Variants in NAV1 observed in about 807,000 individuals in gnomAD.
NAV1 encodes pore membrane and/or filament interacting like protein 3.
A neutral mutation model predicts 175.2 loss-of-function variants in NAV1; 18 were observed. That is an observed-to-expected ratio of 0.10 (90% CI 0.07 to 0.15). The LOEUF is 0.15. NAV1 is among the 10% of genes least tolerant of loss of function. The pLI, the probability that NAV1 is intolerant of heterozygous loss-of-function variation, is 1.00. For synonymous variants in NAV1, 897 were observed against 978.7 expected (o/e 0.92, Z 1.56); for missense variants, 1,731 against 2,436.6 (o/e 0.71, Z 6.10).
intron 1 of NAV1, chr1:201,674,144 C>G (rs761005745): frequency 6.6e-5 from 10 of 152,116 alleles, no homozygotes; most frequent in Non-Finnish European, 1.3e-4. Flanking sequence ...TTTCTGTGAG[C>G]CTTGCTTGCC....
At chr1:201,691,998 C>T (rs904749789) in intron 1 of NAV1, among the ~76,000 whole-genome samples, 1 of 152,208 alleles carries the variant, frequency 6.6e-6, no homozygotes, top group African/African-American at 2.4e-5. Context: ...GGTCATTCTT[C>T]ACGCTTTGTG....
chr1:201,727,334 CATA>C (rs1210234016), intron 3 of NAV1, among the ~76,000 whole-genome samples: 2 of 152,124 alleles, frequency 1.3e-5, no homozygotes, highest in African/African-American at 4.8e-5. Context: ...GGAAGAATGA[CATA>C]ATAAGTTGTT....
chr1:201,569,392 A>G (rs1325926857), intron 1 of NAV1, among the ~76,000 whole-genome samples: 1 of 152,220 alleles, frequency 6.6e-6, no homozygotes, highest in East Asian at 1.9e-4. Context: ...TCCGAAATTA[A>G]CATCATCTTC....
At chr1:201,707,234 C>A (rs1222239085) in intron 1 of NAV1, among the ~76,000 whole-genome samples, 4 of 152,164 alleles carry the variant, frequency 2.6e-5, no homozygotes, top group Admixed American at 6.5e-5. Flanking sequence ...GGGGTGTGCA[C>A]CACGCCCATC....
chr1:201,634,953 T>A (rs1322947196), intron 2 of NAV1, among the ~76,000 whole-genome samples: 4 of 152,218 alleles, frequency 2.6e-5, no homozygotes, highest in African/African-American at 9.6e-5. Flanking sequence ...TCCCTGTTTC[T>A]CGCTGCACCA....
chr1:201,743,354 C>A (rs1349178280), intron 3 of NAV1, among the ~76,000 whole-genome samples: 1 of 152,206 alleles, frequency 6.6e-6, no homozygotes, highest in Non-Finnish European at 1.5e-5. Context: ...ATTATAATTG[C>A]CACCCAACCA....
chr1:201,690,311 G>C (rs10158876), intron 1 of NAV1, among the ~76,000 whole-genome samples: 3 of 95,720 alleles, frequency 3.1e-5, no homozygotes, highest in Non-Finnish European at 6.9e-5. Context: ...TATTTCCTCC[G>C]TGGCCTGTCC....
At chr1:201,763,914 A>G (rs1032793820) in intron 3 of NAV1, among the ~76,000 whole-genome samples, 1 of 152,348 alleles carries the variant, frequency 6.6e-6, no homozygotes, top group Middle Eastern at 3.4e-3. Flanking sequence ...TTACAGGAGC[A>G]CATATAGAGC....
At chr1:201,704,654 G>C (rs528257226) in intron 1 of NAV1, among the ~76,000 whole-genome samples, 46 of 152,322 alleles carry the variant, frequency 3.0e-4, no homozygotes, top group African/African-American at 8.7e-4. Flanking sequence ...TGAGATGTAA[G>C]GATTTTCCAA....
At chr1:201,553,520 C>A (rs751229670) in intron 1 of NAV1, among the ~76,000 whole-genome samples, 2 of 152,216 alleles carry the variant, frequency 1.3e-5, no homozygotes, top group Non-Finnish European at 2.9e-5. Flanking sequence ...ATTCTATTGT[C>A]TTCTATTTTA....
chr1:201,771,344 C>T (rs1410401190), intron 3 of NAV1, among the ~76,000 whole-genome samples: 1 of 151,732 alleles, frequency 6.6e-6, no homozygotes, highest in Non-Finnish European at 1.5e-5. Flanking sequence ...AACTCCATCT[C>T]TACTTAAAAT....
At chr1:201,752,156 A>G (rs1674152242) in intron 3 of NAV1, among the ~76,000 whole-genome samples, 1 of 152,218 alleles carries the variant, frequency 6.6e-6, no homozygotes, top group African/African-American at 2.4e-5. Flanking sequence ...CATGAACTAA[A>G]TGACTTAAGA....
chr1:201,545,036 C>T (rs1477469913), intron 1 of NAV1, among the ~76,000 whole-genome samples: 1 of 152,230 alleles, frequency 6.6e-6, no homozygotes, highest in Admixed American at 6.5e-5. Context: ...ACATGAGCAT[C>T]ATCGCTACAC....
intron 1 of NAV1, among the ~76,000 whole-genome samples, chr1:201,650,340 T>A (rs10920226): frequency 0.21 from 31,950 of 152,180 alleles, 4,112 homozygotes; most frequent in Admixed American, 0.37. Context: ...ATCTGGGATG[T>A]GCCGGACGCC....
rs757379926 is a variant in NAV1, at chr1:201,718,541, C to A, written c.1012C>A (p.Arg338Ser). ...CGCGCCCTCTGTGGGTGGGAGCTGC[C>A]GCTCGGAGGGGACGCCCGCCTGGTA... The change falls in exon 3 of 30, where the codon CGC (arginine) becomes AGC (serine). Residue 338 changes from arginine to serine, a missense_variant. Coordinates refer to ENST00000367296, the Ensembl canonical transcript of NAV1. The surrounding 1 kb of genome is among the most constrained non-coding windows in gnomAD (Gnocchi z 4.8). The A allele has an allele frequency of 4.3e-6, 7 of 1,612,626 alleles. No individual in the cohort carries two copies. Among genetic ancestry groups the A allele is most frequent in the Non-Finnish European group, 5.9e-6 (7 of 1,179,216 alleles).
At position 201,797,685 on chromosome 1, in the gene NAV1, T is replaced by G. The variant is rs1008637060; in HGVS notation, c.3517+3108T>G. Reference sequence around the variant, plus strand: ...TCTTTCATTTCTTTCAGTGATATTTTGCAGTTTTTCAGCATATGAACCTTG... The same window carrying G: ...TCTTTCATTTCTTTCAGTGATATTTGGCAGTTTTTCAGCATATGAACCTTG... On this transcript the variant is annotated intron_variant, in intron 15 of 29. Coordinates refer to ENST00000367296, the Ensembl canonical transcript of NAV1. 3.3e-4 allele frequency: 51 copies of G among 152,376 alleles called. 1 individual carries two copies. The highest frequency in any genetic ancestry group is 1.2e-3 in the African/African-American group (49 of 41,590). 9.4% of individuals were successfully genotyped at this position (152,376 alleles called of 1,614,324 possible).
intron 1 of NAV1, among the ~76,000 whole-genome samples, chr1:201,572,734 C>T (rs1666583072): frequency 6.6e-6 from 1 of 152,118 alleles, no homozygotes; most frequent in Admixed American, 6.5e-5. Context: ...TGTCTTATAC[C>T]TTACCAGCAA....
intron 1 of NAV1, among the ~76,000 whole-genome samples, chr1:201,693,325 G>T (rs1324543041): frequency 6.6e-6 from 1 of 152,136 alleles, no homozygotes; most frequent in Non-Finnish European, 1.5e-5. Context: ...AAGGAATAGT[G>T]ATTTCTACCA....
intron 1 of NAV1, among the ~76,000 whole-genome samples, chr1:201,689,021 C>G (rs932191606): frequency 6.6e-6 from 1 of 152,200 alleles, no homozygotes; most frequent in Admixed American, 6.5e-5. Flanking sequence ...GATCAGTTAT[C>G]AAATTAACCA....
Sources: allele counts gnomAD v4.1 joint callset (sites outside exome capture counted in the v4.1 genomes callset), GRCh38; gene constraint gnomAD v4.1.1; non-coding constraint Gnocchi (gnomAD v3.1); transcripts MANE v1.5; gene names NCBI Gene and HGNC (gene_info 2026-07-23, HGNC 2026-07-21).